EPC1: variants seen among roughly 807,000 people sequenced by gnomAD.
EPC1 encodes the protein enhancer of polycomb 1.
EPC1 carries 12 observed loss-of-function variants against 98.4 expected under a neutral mutation model. That is an observed-to-expected ratio of 0.12 (90% CI 0.08 to 0.20). The LOEUF (loss-of-function observed/expected upper bound fraction) is 0.20. Among genes scored for constraint, EPC1 ranks in the 10% least tolerant of loss-of-function variants. EPC1 has a pLI of 1.00. For missense variants in EPC1, 729 were observed against 990.5 expected, an observed-to-expected ratio of 0.74 and a Z score of 3.54; for synonymous variants, 357 against 363.9, an observed-to-expected ratio of 0.98 and a Z score of 0.21.
chr10:32,371,470 C>T (rs574388902), intron 1 of EPC1, among the ~76,000 whole-genome samples: 37 of 152,258 alleles, frequency 2.4e-4, no homozygotes, highest in South Asian at 2.3e-3. Flanking sequence ...TTGAGCAAAA[C>T]TAAACTCTAC....
intron 1 of EPC1, among the ~76,000 whole-genome samples, chr10:32,371,158 A>G (rs1228072798): frequency 1.1e-4 from 16 of 152,212 alleles, no homozygotes; most frequent in Admixed American, 1.0e-3. Context: ...TAACTTAATA[A>G]TGGAACCGCA....
At chr10:32,340,454 C>G (rs765697532) in intron 1 of EPC1, among the ~76,000 whole-genome samples, 9 of 152,106 alleles carry the variant, frequency 5.9e-5, no homozygotes, top group Non-Finnish European at 1.2e-4. Context: ...CCTATTATTA[C>G]AGGATTTAAT....
intron 1 of EPC1, among the ~76,000 whole-genome samples, chr10:32,375,492 T>C (rs1282285697): frequency 6.6e-6 from 1 of 152,080 alleles, no homozygotes; most frequent in Non-Finnish European, 1.5e-5. Context: ...CTTAATATAA[T>C]TTTCAGTTTA....
At chr10:32,366,531 C>T (rs1244328041) in intron 1 of EPC1, among the ~76,000 whole-genome samples, 1 of 152,098 alleles carries the variant, frequency 6.6e-6, no homozygotes, top group South Asian at 2.1e-4. Flanking sequence ...AGCTTAAGCC[C>T]CAAATTTATT....
At chr10:32,374,921 T>C (rs918068717) in intron 1 of EPC1, among the ~76,000 whole-genome samples, 1 of 152,136 alleles carries the variant, frequency 6.6e-6, no homozygotes, top group African/African-American at 2.4e-5. Flanking sequence ...AATTATAAAA[T>C]CTGCTTTTAT....
chr10:32,273,347 A>C, intron 10 of EPC1, 66 bp from the exon 11 acceptor site: 2 of 1,544,424 alleles, frequency 1.3e-6, no homozygotes, highest in Non-Finnish European at 1.7e-6. Flanking sequence ...TACAGTACTA[A>C]AACAAAAATT....
At position 32,338,947 on chromosome 10, in the gene EPC1, AAAT is replaced by A. The variant is rs201958114; in HGVS notation, c.153+7813_153+7815del. Among the ~76,000 whole-genome samples, 91 of 48,292 alleles carry A rather than the reference AAAT, an allele frequency of 1.9e-3. 1 individual carries two copies. Among genetic ancestry groups the A allele is most frequent in the East Asian group, 4.3e-3 (2 of 462 alleles). The allele number at this position is 48,292 out of a possible 152,430, so 31.7% of individuals were successfully genotyped here. ...AGGGAGACCTTGTCTCAAAAAAAAT[AAAT>A]AAATAAATAAATAAAATAATAAAAA... On this transcript the variant is annotated intron_variant, in intron 1 of 13. Coordinates refer to ENST00000319778, the MANE Select transcript of EPC1 (RefSeq NM_001272004.3).
At chr10:32,277,865 C>A (rs530382886) in intron 10 of EPC1, among the ~76,000 whole-genome samples, 1 of 151,260 alleles carries the variant, frequency 6.6e-6, no homozygotes, top group African/African-American at 2.4e-5. Context: ...CCACTGCGCC[C>A]GGCCTAAGAC....
At chr10:32,355,607 CTTTTTTTTTTTTTTTTTTTT>C (rs542748610) in intron 1 of EPC1, among the ~76,000 whole-genome samples, 33 of 72,874 alleles carry the variant, frequency 4.5e-4, no homozygotes, top group East Asian at 3.4e-3. Flanking sequence ...GTGCCTTACC[CTTTTTTTTTTTTTTTTTTTT>C]TTTTTTTTTT....
intron 4 of EPC1, 113 bp from the exon 5 acceptor site, chr10:32,292,757 T>A: frequency 9.1e-7 from 1 of 1,099,946 alleles, no homozygotes; most frequent in Non-Finnish European, 1.3e-6. Flanking sequence ...TTAAAGACAA[T>A]AAAAGGGAGC....
chr10:32,338,034 T>C (rs2479343), intron 1 of EPC1, among the ~76,000 whole-genome samples: 122,462 of 152,242 alleles, frequency 0.8, 50,207 homozygotes, highest in East Asian at 0.96. Flanking sequence ...GACTCTCAGA[T>C]TTATAGGACC....
chr10:32,340,225 G>A (rs1379663219), intron 1 of EPC1, among the ~76,000 whole-genome samples: 1 of 152,124 alleles, frequency 6.6e-6, no homozygotes, highest in East Asian at 1.9e-4. Context: ...AATACTTGAG[G>A]GAGGGCTTTA....
At chr10:32,323,883 T>C (rs1321387448) in intron 1 of EPC1, among the ~76,000 whole-genome samples, 1 of 152,234 alleles carries the variant, frequency 6.6e-6, no homozygotes, top group Non-Finnish European at 1.5e-5. Context: ...TTTATTATTC[T>C]AATAGGCAAA....
At chr10:32,272,931 G>T in intron 11 of EPC1, 1 of 1,162,570 alleles carries the variant, frequency 8.6e-7, no homozygotes, top group South Asian at 1.3e-5. Context: ...CAGACGGGAA[G>T]ACAGTATCTT....
chr10:32,346,602 T>G, intron 1 of EPC1, 161 bp downstream of exon 1: 3 of 704,088 alleles, frequency 4.3e-6, no homozygotes, highest in South Asian at 1.9e-5. Flanking sequence ...CGGCCGGGGG[T>G]CGAGGCTGGG....
intron 1 of EPC1, among the ~76,000 whole-genome samples, chr10:32,312,091 C>T (rs1169649103): frequency 5.9e-5 from 9 of 152,272 alleles, no homozygotes; most frequent in African/African-American, 1.2e-4. Flanking sequence ...GAGCCTGAGA[C>T]GAGGAGACCA....
At chr10:32,374,825 C>T (rs1295464925) in intron 1 of EPC1, among the ~76,000 whole-genome samples, 1 of 152,046 alleles carries the variant, frequency 6.6e-6, no homozygotes, top group Non-Finnish European at 1.5e-5. Context: ...ATCATAGCAT[C>T]TTATCAGAAT....
intron 2 of EPC1, among the ~76,000 whole-genome samples, chr10:32,300,775 T>C (rs962633470): frequency 6.6e-6 from 1 of 152,118 alleles, no homozygotes; most frequent in Non-Finnish European, 1.5e-5. Context: ...TGTACTTTTA[T>C]TGTTGTGCGA....
In EPC1 at chr10:32,338,942, AAAAT is replaced by A. The variant is rs71027082; in HGVS notation, c.153+7817_153+7820del. 7.0e-3 allele frequency among the ~76,000 whole-genome samples: 778 copies of A among 111,110 alleles called. 12 individuals carry two copies. Among genetic ancestry groups the A allele is most frequent in the African/African-American group, 0.019 (753 of 38,828 alleles). The allele number at this position is 111,110 out of a possible 152,430, so 72.9% of individuals were successfully genotyped here. On this transcript the variant is annotated intron_variant, in intron 1 of 13. Coordinates refer to ENST00000319778, the MANE Select transcript of EPC1 (RefSeq NM_001272004.3). ...AACAGAGGGAGACCTTGTCTCAAAA[AAAAT>A]AAATAAATAAATAAATAAAATAATA... is the stretch of plus-strand genomic sequence containing the variant.
Sources: allele counts gnomAD v4.1 joint callset (sites outside exome capture counted in the v4.1 genomes callset), GRCh38; gene constraint gnomAD v4.1.1; transcripts MANE v1.5; gene names NCBI Gene and HGNC (gene_info 2026-07-23, HGNC 2026-07-21).